The following LHFPL3 variants were observed in gnomAD, a reference collection of about 807,000 sequenced individuals.
LHFPL3 encodes LHFPL tetraspan subfamily member 3 protein.
In LHFPL3, 5 loss-of-function variants were observed where a neutral mutation model predicts 19.3. The observed-to-expected ratio is 0.26, with a 90% CI of 0.14 to 0.54. LHFPL3 has a LOEUF of 0.54. Ranked by LOEUF, LHFPL3 falls within the 20% of genes least tolerant of loss-of-function variation. LHFPL3 has a pLI of 0.94. For missense variants in LHFPL3, 249 were observed against 307.4 expected, an observed-to-expected ratio of 0.81 and a Z score of 1.42; for synonymous variants, 133 against 126.2, an observed-to-expected ratio of 1.05 and a Z score of -0.36.
chr7:104,639,921 G>C (rs1365126379), intron 1 of LHFPL3, among the ~76,000 whole-genome samples: 1 of 152,080 alleles, frequency 6.6e-6, no homozygotes, highest in Non-Finnish European at 1.5e-5. Flanking sequence ...GCAGTTTTAA[G>C]GTGTTGGGAA....
intron 2 of LHFPL3, among the ~76,000 whole-genome samples, chr7:104,871,879 A>G (rs1356835995): frequency 6.6e-6 from 1 of 151,912 alleles, no homozygotes; most frequent in African/African-American, 2.4e-5. Flanking sequence ...GCTGGTCTCG[A>G]ACTCCTGACC....
intron 1 of LHFPL3, among the ~76,000 whole-genome samples, chr7:104,704,856 G>A (rs1052669322): frequency 5.3e-5 from 8 of 152,024 alleles, no homozygotes; most frequent in African/African-American, 1.7e-4. Flanking sequence ...GGCTGATCTC[G>A]AATTCCTAGG....
intron 1 of LHFPL3, among the ~76,000 whole-genome samples, chr7:104,681,026 A>T (rs1177566422): frequency 6.6e-6 from 1 of 152,216 alleles, no homozygotes; most frequent in African/African-American, 2.4e-5. Context: ...ATATTTGAAC[A>T]GATTGTGTTA....
chr7:104,648,756 G>A (rs1299783602), intron 1 of LHFPL3, among the ~76,000 whole-genome samples: 2 of 152,206 alleles, frequency 1.3e-5, no homozygotes, highest in Non-Finnish European at 2.9e-5. Context: ...TGTGGGGAGT[G>A]CTAGTCCTAT....
intron 1 of LHFPL3, among the ~76,000 whole-genome samples, chr7:104,556,304 CT>C (rs111617101): frequency 1.5e-4 from 23 of 152,344 alleles, no homozygotes; most frequent in African/African-American, 4.6e-4. Flanking sequence ...GGTCCCCCCC[CT>C]GCAGCAAACT....
At chr7:104,521,465 G>A (rs1324108032) in intron 1 of LHFPL3, among the ~76,000 whole-genome samples, 1 of 152,080 alleles carries the variant, frequency 6.6e-6, no homozygotes, top group Non-Finnish European at 1.5e-5. Flanking sequence ...TACCATTCAG[G>A]ACATAGGCAT....
chr7:104,755,067 ATAATTAT>A (rs1344518425), intron 2 of LHFPL3, among the ~76,000 whole-genome samples: 26 of 152,212 alleles, frequency 1.7e-4, no homozygotes, highest in African/African-American at 6.3e-4. Flanking sequence ...GCTTAAAGAG[ATAATTAT>A]TTATTATTCC....
intron 2 of LHFPL3, among the ~76,000 whole-genome samples, chr7:104,818,780 T>TTCTCTCTC (rs147373563): frequency 6.7e-6 from 1 of 148,336 alleles, no homozygotes; most frequent in East Asian, 2.0e-4. Context: ...CCTTTCTCCT[T>TTCTCTCTC]TCTCTCTCTC....
At chr7:104,492,725 C>G (rs779598166) in intron 1 of LHFPL3, among the ~76,000 whole-genome samples, 1 of 152,226 alleles carries the variant, frequency 6.6e-6, no homozygotes, top group African/African-American at 2.4e-5. Flanking sequence ...TGTCTTATAA[C>G]AGTCCTCAAA....
At chr7:104,695,098 G>A (rs1792974905) in intron 1 of LHFPL3, among the ~76,000 whole-genome samples, 1 of 150,598 alleles carries the variant, frequency 6.6e-6, no homozygotes, top group Non-Finnish European at 1.5e-5. Context: ...TCCTAATTAG[G>A]ACTCCACAAG....
At chr7:104,810,187 A>G (rs566321090) in intron 2 of LHFPL3, among the ~76,000 whole-genome samples, 1 of 152,198 alleles carries the variant, frequency 6.6e-6, no homozygotes, top group Non-Finnish European at 1.5e-5. Flanking sequence ...AAAAGATAAC[A>G]TGAGGAGTGC....
At chr7:104,865,530 G>T (rs896109415) in intron 2 of LHFPL3, among the ~76,000 whole-genome samples, 9 of 152,268 alleles carry the variant, frequency 5.9e-5, no homozygotes, top group African/African-American at 2.2e-4. Context: ...AGAGAAAAAA[G>T]AATAAAAAGA....
At chr7:104,618,977 C>G (rs62484575) in intron 1 of LHFPL3, among the ~76,000 whole-genome samples, 1 of 152,086 alleles carries the variant, frequency 6.6e-6, no homozygotes, top group Non-Finnish European at 1.5e-5. Flanking sequence ...TTTATTTATC[C>G]CCTACGTACT....
chr7:104,869,899 T>A (rs1475942398), intron 2 of LHFPL3, among the ~76,000 whole-genome samples: 1 of 152,196 alleles, frequency 6.6e-6, no homozygotes, highest in Non-Finnish European at 1.5e-5. Context: ...CACCGTGGAA[T>A]AGTATGCAGC....
chr7:104,896,438 C>T (rs937061147), intron 2 of LHFPL3, among the ~76,000 whole-genome samples: 2 of 152,170 alleles, frequency 1.3e-5, no homozygotes, highest in African/African-American at 4.8e-5. Flanking sequence ...GAGGAGCTCA[C>T]TGTCCAAAAG....
At chr7:104,798,331 A>T (rs1562796520) in intron 2 of LHFPL3, 1 of 152,236 alleles carries the variant, frequency 6.6e-6, no homozygotes, top group Non-Finnish European at 1.5e-5. Context: ...TGGAGAAAAA[A>T]GTTACCTGGA....
chr7:104,794,737 G>A (rs1210678007), intron 2 of LHFPL3, among the ~76,000 whole-genome samples: 1 of 152,194 alleles, frequency 6.6e-6, no homozygotes, highest in Non-Finnish European at 1.5e-5. Flanking sequence ...GTGACTGATT[G>A]GCAGTTAGAA....
At chr7:104,693,400 G>A (rs1792940746) in intron 1 of LHFPL3, among the ~76,000 whole-genome samples, 1 of 152,120 alleles carries the variant, frequency 6.6e-6, no homozygotes, top group Admixed American at 6.5e-5. Context: ...ATATGGTTTG[G>A]CTTTGTGTTC....
At chr7:104,549,719 A>G (rs1374382554) in intron 1 of LHFPL3, among the ~76,000 whole-genome samples, 1 of 152,118 alleles carries the variant, frequency 6.6e-6, no homozygotes, top group East Asian at 1.9e-4. Flanking sequence ...CTGTGTTCCT[A>G]TATCTATCTG....
Sources: gnomAD v4.1 joint callset for allele counts (sites outside exome capture counted in the v4.1 genomes callset) on GRCh38, gnomAD v4.1.1 for gene constraint, MANE v1.5 for transcripts, NCBI Gene and HGNC (gene_info 2026-07-23, HGNC 2026-07-21) for gene names.